Variants in KDM2A observed in about 807,000 individuals in gnomAD.
The protein encoded by KDM2A is lysine-specific demethylase 2A.
A neutral mutation model predicts 137.3 loss-of-function variants in KDM2A; 3 were observed. The ratio of observed to expected loss-of-function variants is 0.02; its 90% CI spans 0.01 to 0.06. KDM2A has a LOEUF of 0.06. KDM2A is among the 10% of genes least tolerant of loss of function. The pLI is 1.00. For synonymous variants in KDM2A, 512 were observed against 541.5 expected (o/e 0.95, Z 0.76); for missense variants, 738 against 1,510.6 (o/e 0.49, Z 8.48).
intron 7 of KDM2A, 39 bp downstream of exon 7, chr11:67,215,485 GGAGA>G: frequency 3.0e-6 from 4 of 1,348,116 alleles, no homozygotes; most frequent in Non-Finnish European, 4.2e-6. Flanking sequence ...GTGTGCTGTG[GGAGA>G]CCAAAGCAAT....
chr11:67,131,412 C>CTTTTTTT (rs563635809), intron 2 of KDM2A, among the ~76,000 whole-genome samples: 2 of 132,838 alleles, frequency 1.5e-5, no homozygotes, highest in African/African-American at 5.7e-5. Flanking sequence ...GTTTTCTTTT[C>CTTTTTTT]TTTTTTTTTT....
chr11:67,191,552 CAA>C (rs1857354983), intron 5 of KDM2A, among the ~76,000 whole-genome samples: 1 of 152,056 alleles, frequency 6.6e-6, no homozygotes, highest in East Asian at 1.9e-4. Flanking sequence ...GAAAATCAAT[CAA>C]TATAAATTTC....
At chr11:67,124,469 G>A (rs1855671313) in intron 2 of KDM2A, among the ~76,000 whole-genome samples, 1 of 151,436 alleles carries the variant, frequency 6.6e-6, no homozygotes, top group African/African-American at 2.4e-5. Flanking sequence ...CTGCCACCAT[G>A]CCCGGCTAAT....
chr11:67,256,087 G>C lies in KDM2A; in HGVS notation c.*1032G>C, dbSNP rs1253433278. The C allele has an allele frequency of 6.4e-6, 1 of 156,870 alleles. No homozygotes were observed. The highest frequency in any genetic ancestry group is 1.4e-5 in the Non-Finnish European group (1 of 70,954). 9.7% of individuals were successfully genotyped at this position (156,870 alleles called of 1,614,324 possible). On this transcript the variant is annotated 3_prime_UTR_variant, in exon 21 of 21. Transcript: ENST00000529006. ...CTGTGTCTAGCCCCAGTGGCTCACTGAACTTTCAGGGCAGTCAGGGGGTCC... is the reference window on the plus strand; with the variant it reads ...CTGTGTCTAGCCCCAGTGGCTCACTCAACTTTCAGGGCAGTCAGGGGGTCC...
intron 2 of KDM2A, among the ~76,000 whole-genome samples, chr11:67,153,457 A>G (rs1450308202): frequency 1.3e-5 from 2 of 152,206 alleles, no homozygotes; most frequent in African/African-American, 2.4e-5. Flanking sequence ...GTATTCAGCT[A>G]TCTAGAGCCA....
chr11:67,191,055 CT>C (rs964235234), intron 5 of KDM2A, among the ~76,000 whole-genome samples: 6 of 151,482 alleles, frequency 4.0e-5, no homozygotes, highest in Non-Finnish European at 5.9e-5. Flanking sequence ...TCTTTTTTTT[CT>C]TTTTTTGAGA....
chr11:67,138,447 G>A lies in KDM2A; in HGVS notation c.42+17089G>A, dbSNP rs191366981. ...ATAATTTAAACCAGTTGTTTTCAAA[G>A]TGTGCTCCCCAGACCACATTACCTG... On this transcript the variant is annotated intron_variant, in intron 2 of 20. Coordinates refer to ENST00000529006, the MANE Select transcript of KDM2A (RefSeq NM_012308.3). Among the ~76,000 whole-genome samples, 622 of 152,234 alleles carry A rather than the reference G, an allele frequency of 4.1e-3. 4 individuals are homozygous for A. The highest frequency in any genetic ancestry group is 0.014 in the African/African-American group (571 of 41,538).
At chr11:67,212,598 A>G (rs1020720191) in intron 6 of KDM2A, among the ~76,000 whole-genome samples, 10 of 152,214 alleles carry the variant, frequency 6.6e-5, no homozygotes, top group African/African-American at 2.2e-4. Flanking sequence ...AACTGGGATC[A>G]GAGTATTTAG....
chr11:67,181,482 C>A, intron 4 of KDM2A, 84 bp downstream of exon 4: 1 of 809,522 alleles, frequency 1.2e-6, no homozygotes, highest in Non-Finnish European at 2.0e-6. Context: ...TATTGATAAC[C>A]CAAAACAATA....
rs149955931 is a variant in KDM2A at position 67,147,986 on chromosome 11, G to A, written c.42+26628G>A. 8.6e-3 allele frequency among the ~76,000 whole-genome samples: 1,315 copies of A among 152,058 alleles called. 23 individuals are homozygous for A. The highest frequency in any genetic ancestry group is 0.011 in the Non-Finnish European group (742 of 67,990). On this transcript the variant is annotated intron_variant, in intron 2 of 20. Transcript: ENST00000529006. ...GCTGCCACGCCCGGCCCTCATTAGA[G>A]AGTCTTATAGCAAATGTCTCTAGCT... is the stretch of plus-strand genomic sequence containing the variant.
intron 2 of KDM2A, among the ~76,000 whole-genome samples, chr11:67,153,578 T>C (rs1317956007): frequency 1.3e-5 from 2 of 152,102 alleles, no homozygotes; most frequent in Non-Finnish European, 2.9e-5. Flanking sequence ...TGGTGCAGGG[T>C]CTCATGTTCA....
intron 10 of KDM2A, among the ~76,000 whole-genome samples, chr11:67,226,820 T>A (rs2136417567): frequency 6.6e-6 from 1 of 152,286 alleles, no homozygotes; most frequent in East Asian, 1.9e-4. Context: ...TTTTATTTTC[T>A]AAAAGGGAAA....
At chr11:67,233,465 A>G (rs1486365996) in intron 12 of KDM2A, among the ~76,000 whole-genome samples, 2 of 124,616 alleles carry the variant, frequency 1.6e-5, no homozygotes, top group Non-Finnish European at 3.3e-5. Context: ...CAGCCTGGCC[A>G]AGATGGTAAA....
At position 67,255,624 on chromosome 11, in the gene KDM2A, G is replaced by A; in HGVS notation, c.*569G>A. Reference sequence around the variant, plus strand: ...TCCCAAACCTCACGTCCTTAACTGTGCTCTCCCTCCTTTCCTCTCCCTTGA... The same window carrying A: ...TCCCAAACCTCACGTCCTTAACTGTACTCTCCCTCCTTTCCTCTCCCTTGA... On this transcript the variant is annotated 3_prime_UTR_variant, in exon 21 of 21. Coordinates refer to ENST00000529006, the MANE Select transcript of KDM2A (RefSeq NM_012308.3). 2.2e-6 allele frequency: 1 copy of A among 454,560 alleles called. No homozygotes were observed. Among genetic ancestry groups the A allele is most frequent in the Non-Finnish European group, 4.4e-6 (1 of 225,552 alleles). 28.2% of individuals were successfully genotyped at this position (454,560 alleles called of 1,614,324 possible).
chr11:67,141,019 GT>G, intron 2 of KDM2A, among the ~76,000 whole-genome samples: 1 of 152,040 alleles, frequency 6.6e-6, no homozygotes, highest in African/African-American at 2.4e-5. Flanking sequence ...CAAGTCAAAG[GT>G]TGATAAATAC....
rs1565373288 is a variant in KDM2A at position 67,138,099 on chromosome 11, C to G, written c.42+16741C>G. Among the ~76,000 whole-genome samples the G allele has an allele frequency of 3.3e-5, 5 of 151,966 alleles. 1 individual carries two copies. On this transcript the variant is annotated intron_variant, in intron 2 of 20. Transcript: ENST00000529006. ...GCGTGAACCACCGCGCCTGGCCAAACTATAGTATTATTATAGGACCACCGT... is the reference window on the plus strand; with the variant it reads ...GCGTGAACCACCGCGCCTGGCCAAAGTATAGTATTATTATAGGACCACCGT...
chr11:67,182,572 G>A (rs921124132), intron 5 of KDM2A, among the ~76,000 whole-genome samples: 58 of 131,210 alleles, frequency 4.4e-4, no homozygotes, highest in Non-Finnish European at 7.4e-4. Context: ...TCCCTCTGTC[G>A]CCCAGGCTGG....
intron 2 of KDM2A, among the ~76,000 whole-genome samples, chr11:67,154,721 G>T (rs1856475510): frequency 6.6e-6 from 1 of 152,140 alleles, no homozygotes; most frequent in Non-Finnish European, 1.5e-5. Flanking sequence ...TTACAGGCAT[G>T]AACCACCATG....
rs542120233 is a variant in KDM2A, at chr11:67,208,466, G to A, written c.486+778G>A. ...CATTGACCTTTGGATGTAACGGAGAGGAATATTAAAATTCAACCTTGGGGC... is the reference window on the plus strand; with the variant it reads ...CATTGACCTTTGGATGTAACGGAGAAGAATATTAAAATTCAACCTTGGGGC... On this transcript the variant is annotated intron_variant, in intron 6 of 20. Coordinates refer to ENST00000529006, the MANE Select transcript of KDM2A (RefSeq NM_012308.3). 4.6e-5 allele frequency among the ~76,000 whole-genome samples: 7 copies of A among 151,722 alleles called. No homozygotes were observed. In the East Asian group the frequency reaches 1.4e-3, roughly 30 times the overall value.
Sources: gnomAD v4.1 joint callset for allele counts (sites outside exome capture counted in the v4.1 genomes callset) on GRCh38, gnomAD v4.1.1 for gene constraint, MANE v1.5 for transcripts, NCBI Gene and HGNC (gene_info 2026-07-23, HGNC 2026-07-21) for gene names.